ACACA: variants seen among roughly 807,000 people sequenced by gnomAD.
ACACA encodes the protein acetyl-CoA carboxylase alpha, also known as acetyl-CoA carboxylase 1.
ACACA carries 103 observed loss-of-function variants against 296.1 expected under a neutral mutation model. The ratio of observed to expected loss-of-function variants is 0.35; its 90% CI spans 0.30 to 0.41. The LOEUF (loss-of-function observed/expected upper bound fraction) is 0.41, where lower values mean the gene tolerates loss of function less well. Ranked by LOEUF, ACACA falls within the 10% of genes least tolerant of loss-of-function variation. The pLI is 1.00. For synonymous variants in ACACA, 953 were observed against 1,038.6 expected (o/e 0.92, Z 1.58); for missense variants, 1,554 against 2,989.7 (o/e 0.52, Z 11.20).
At chr17:37,401,393 A>T (rs1237394856) in intron 1 of ACACA, among the ~76,000 whole-genome samples, 1 of 151,712 alleles carries the variant, frequency 6.6e-6, no homozygotes, top group Non-Finnish European at 1.5e-5. Flanking sequence ...GGGTTTCACC[A>T]GGTTGGCCCG....
At chr17:37,185,087 A>G (rs1445831167) in intron 39 of ACACA, among the ~76,000 whole-genome samples, 1 of 152,216 alleles carries the variant, frequency 6.6e-6, no homozygotes, top group Non-Finnish European at 1.5e-5. Context: ...CTTTGACTGC[A>G]AAGGCGAATA....
chr17:37,145,150 G>A (rs2075760073), intron 45 of ACACA, among the ~76,000 whole-genome samples: 1 of 152,154 alleles, frequency 6.6e-6, no homozygotes, highest in Non-Finnish European at 1.5e-5. Flanking sequence ...AAAAAATAAA[G>A]TAAAAAGGAA....
At chr17:37,249,889 TG>T (rs2080900888) in intron 16 of ACACA, among the ~76,000 whole-genome samples, 1 of 152,206 alleles carries the variant, frequency 6.6e-6, no homozygotes, top group South Asian at 2.1e-4. Context: ...ACTTGAATCA[TG>T]GGGGCGGTTC....
chr17:37,402,413 G>A (rs1340245293), intron 1 of ACACA, among the ~76,000 whole-genome samples: 2 of 152,144 alleles, frequency 1.3e-5, no homozygotes, highest in Admixed American at 1.3e-4. Context: ...AGATAGGGCA[G>A]TGATGATAAA....
chr17:37,218,147 C>CAAAAAAAAAAA (rs60487601), intron 29 of ACACA, among the ~76,000 whole-genome samples: 3 of 116,598 alleles, frequency 2.6e-5, no homozygotes, highest in African/African-American at 1.0e-4. Flanking sequence ...CTACCAGTAA[C>CAAAAAAAAAAA]AAAAAAAAAA....
intron 1 of ACACA, among the ~76,000 whole-genome samples, chr17:37,371,382 G>C (rs2049801549): frequency 2.0e-5 from 3 of 151,852 alleles, no homozygotes; most frequent in Admixed American, 6.6e-5. Flanking sequence ...CCGGCTGATA[G>C]TTCAATGATT....
chr17:37,249,808 C>T (rs1204481154), intron 16 of ACACA, among the ~76,000 whole-genome samples: 2 of 152,162 alleles, frequency 1.3e-5, no homozygotes, highest in Non-Finnish European at 2.9e-5. Flanking sequence ...GGCTGTGTTC[C>T]CACTCAAATC....
intron 3 of ACACA, among the ~76,000 whole-genome samples, 194 bp downstream of exon 3, chr17:37,329,979 A>G (rs1341387209): frequency 2.0e-5 from 3 of 152,174 alleles, no homozygotes; most frequent in Admixed American, 1.3e-4. Context: ...CTAGTAGGAC[A>G]TGAAAAATTT....
Position 37,312,754 on chromosome 17 carries a change from C to T in ACACA, c.338+17419G>A, listed in dbSNP as rs370019829. On this transcript the variant is annotated intron_variant, in intron 3 of 55. Coordinates refer to ENST00000616317, the MANE Select transcript of ACACA (RefSeq NM_198834.3). ...CTGAAATAATAAAGGCAGCTGGGCC[C>T]GGTGGCTCACACCTGTAATGTCAGC... Among the ~76,000 whole-genome samples, 14 of 152,126 alleles carry T rather than the reference C, an allele frequency of 9.2e-5. No individual in the cohort carries two copies. In the East Asian group the frequency reaches 1.7e-3, roughly 19 times the overall value.
At chr17:37,228,918 C>T (rs1326222475) in intron 25 of ACACA, among the ~76,000 whole-genome samples, 14 of 151,984 alleles carry the variant, frequency 9.2e-5, no homozygotes, top group Admixed American at 8.5e-4. Context: ...CCGAGGAGGG[C>T]GGATCACGAG....
At chr17:37,325,269 GGGA>G (rs2047554107) in intron 3 of ACACA, among the ~76,000 whole-genome samples, 1 of 151,492 alleles carries the variant, frequency 6.6e-6, no homozygotes, top group South Asian at 2.1e-4. Flanking sequence ...GGGAGGCTAA[GGGA>G]GGAGAATTGC....
intron 1 of ACACA, among the ~76,000 whole-genome samples, chr17:37,404,866 C>T (rs1289526009): frequency 6.6e-6 from 1 of 152,148 alleles, no homozygotes; most frequent in Non-Finnish European, 1.5e-5. Flanking sequence ...GTGTGAGCCA[C>T]CGCTCCCAGC....
At chr17:37,135,620 C>A (rs1354084761) in intron 45 of ACACA, among the ~76,000 whole-genome samples, 1 of 152,154 alleles carries the variant, frequency 6.6e-6, no homozygotes, top group East Asian at 1.9e-4. Context: ...CCAGAAATAA[C>A]ACTGGAAGAC....
intron 23 of ACACA, among the ~76,000 whole-genome samples, chr17:37,241,200 AAAATAAAT>A (rs202208460): frequency 1.3e-5 from 2 of 151,262 alleles, no homozygotes; most frequent in Non-Finnish European, 2.9e-5. Flanking sequence ...GTCTCCAAAA[AAAATAAAT>A]AAATAAATAA....
intron 1 of ACACA, among the ~76,000 whole-genome samples, chr17:37,372,052 A>C (rs1052117646): frequency 6.6e-6 from 1 of 152,194 alleles, no homozygotes; most frequent in Middle Eastern, 3.2e-3. Context: ...CCCTGCCTCC[A>C]TTATTAAATT....
At chr17:37,315,806 ACT>A (rs1298995300) in intron 3 of ACACA, among the ~76,000 whole-genome samples, 2 of 151,986 alleles carry the variant, frequency 1.3e-5, no homozygotes, top group Non-Finnish European at 2.9e-5. Flanking sequence ...AGCTCTATGA[ACT>A]CTGTTGTTTA....
intron 5 of ACACA, among the ~76,000 whole-genome samples, chr17:37,282,780 A>T (rs1029622842): frequency 1.6e-4 from 25 of 152,238 alleles, no homozygotes; most frequent in African/African-American, 5.8e-4. Context: ...TCAGACAGAG[A>T]ACCATCTGAG....
intron 9 of ACACA, among the ~76,000 whole-genome samples, 150 bp downstream of exon 9, chr17:37,274,036 GAGAAACC>G (rs2082172563): frequency 6.6e-6 from 1 of 152,188 alleles, no homozygotes. Context: ...GCAATCTAAA[GAGAAACC>G]AGCGTATTCT....
At chr17:37,378,437 G>T (rs775914483) in intron 1 of ACACA, among the ~76,000 whole-genome samples, 3 of 152,380 alleles carry the variant, frequency 2.0e-5, no homozygotes, top group Middle Eastern at 3.4e-3. Context: ...CTTTGGCCAG[G>T]CATGGTGGCT....
Sources: gnomAD v4.1 joint callset for allele counts (sites outside exome capture counted in the v4.1 genomes callset) on GRCh38, gnomAD v4.1.1 for gene constraint, MANE v1.5 for transcripts, NCBI Gene and HGNC (gene_info 2026-07-23, HGNC 2026-07-21) for gene names.